STXBP5L: variants seen among roughly 807,000 people sequenced by gnomAD.
The protein encoded by STXBP5L is syntaxin binding protein 5L.
Under a neutral mutation model 144.5 loss-of-function variants are expected in STXBP5L, and 65 were observed. That is an observed-to-expected ratio of 0.45 (90% CI 0.37 to 0.55). The LOEUF (loss-of-function observed/expected upper bound fraction) is 0.55. Ranked by LOEUF, STXBP5L falls within the 20% of genes least tolerant of loss-of-function variation. The probability of loss-of-function intolerance (pLI) is 0.00; values close to 1 mark genes in which losing one functional copy is unlikely to be tolerated. For synonymous variants in STXBP5L, 505 were observed against 469.6 expected, an observed-to-expected ratio of 1.08 and a Z score of -0.97; for missense variants, 1,298 against 1,405.5, an observed-to-expected ratio of 0.92 and a Z score of 1.22.
chr3:120,953,502 CTTTTTTT>C lies in STXBP5L; in HGVS notation c.190-1428_190-1422del, dbSNP rs758605593. On this transcript the variant is annotated intron_variant, in intron 2 of 26. Coordinates refer to ENST00000471454, the MANE Select transcript of STXBP5L (RefSeq NM_001308330.2). Reference sequence around the variant, plus strand: ...CGCCATCATGCCTGGTGAATTTTTCCTTTTTTTTTTTTTTTTGTAGAGATGGGGTCTT... The same window carrying C: ...CGCCATCATGCCTGGTGAATTTTTCCTTTTTTTTTGTAGAGATGGGGTCTT... 3.1e-3 allele frequency among the ~76,000 whole-genome samples: 408 copies of C among 132,114 alleles called. 3 individuals carry two copies. Among genetic ancestry groups the C allele is most frequent in the African/African-American group, 0.01 (365 of 36,118 alleles). 86.7% of individuals were successfully genotyped at this position (132,114 alleles called of 152,430 possible).
At chr3:121,086,302 GA>G (rs2042490345) in intron 5 of STXBP5L, among the ~76,000 whole-genome samples, 1 of 151,808 alleles carries the variant, frequency 6.6e-6, no homozygotes, top group African/African-American at 2.4e-5. Context: ...ATTTTATTGT[GA>G]CTTCTTAGAC....
chr3:121,028,922 A>G (rs1946161290), intron 3 of STXBP5L, among the ~76,000 whole-genome samples: 1 of 152,132 alleles, frequency 6.6e-6, no homozygotes. Flanking sequence ...TTATTCTCCC[A>G]TTCACAATTG....
At chr3:121,001,953 A>G (rs1182050700) in intron 3 of STXBP5L, among the ~76,000 whole-genome samples, 1 of 152,204 alleles carries the variant, frequency 6.6e-6, no homozygotes, top group Admixed American at 6.5e-5. Context: ...TTATCCATTC[A>G]TCCATTGACA....
chr3:120,909,544 C>G (rs1708716762), intron 1 of STXBP5L, 27 bp from the exon 2 acceptor site: 1 of 1,597,652 alleles, frequency 6.3e-7, no homozygotes, highest in African/African-American at 1.4e-5. Context: ...ACCTCTTTCC[C>G]TTTTTTTCCT....
chr3:121,014,641 T>C (rs1445995083), intron 3 of STXBP5L, among the ~76,000 whole-genome samples: 1 of 152,054 alleles, frequency 6.6e-6, no homozygotes, highest in Non-Finnish European at 1.5e-5. Context: ...ATATTTAACT[T>C]CATAGGAAAT....
At chr3:121,060,864 C>T (rs920292298) in intron 5 of STXBP5L, among the ~76,000 whole-genome samples, 1 of 151,918 alleles carries the variant, frequency 6.6e-6, no homozygotes, top group African/African-American at 2.4e-5. Flanking sequence ...CTTTTCTCTT[C>T]TTCTTTATTA....
chr3:121,094,022 G>A (rs559689539), intron 5 of STXBP5L, among the ~76,000 whole-genome samples: 10 of 152,000 alleles, frequency 6.6e-5, no homozygotes, highest in Non-Finnish European at 1.0e-4. Flanking sequence ...CCTTCATTTT[G>A]TTATGTGCCC....
At chr3:121,174,644 T>C (rs543103253) in intron 9 of STXBP5L, among the ~76,000 whole-genome samples, 1 of 152,236 alleles carries the variant, frequency 6.6e-6, no homozygotes, top group Non-Finnish European at 1.5e-5. Flanking sequence ...TAAATGAATT[T>C]CTGAAAGTTG....
At chr3:120,991,832 G>A (rs909863250) in intron 3 of STXBP5L, among the ~76,000 whole-genome samples, 2 of 149,118 alleles carry the variant, frequency 1.3e-5, no homozygotes, top group Admixed American at 6.9e-5. Flanking sequence ...CAGGGGGGAG[G>A]GATAGCATTA....
chr3:120,990,697 T>A (rs944275334), intron 3 of STXBP5L, among the ~76,000 whole-genome samples: 1 of 152,198 alleles, frequency 6.6e-6, no homozygotes, highest in African/African-American at 2.4e-5. Flanking sequence ...CTATCTGATC[T>A]TTGACAAACG....
chr3:121,203,309 C>T (rs2048209648), intron 9 of STXBP5L, among the ~76,000 whole-genome samples: 1 of 152,052 alleles, frequency 6.6e-6, no homozygotes, highest in Admixed American at 6.6e-5. Flanking sequence ...CCCCTATTTC[C>T]CTTCACAAAT....
intron 7 of STXBP5L, among the ~76,000 whole-genome samples, chr3:121,129,685 A>G (rs1160453167): frequency 3.9e-5 from 6 of 152,112 alleles, no homozygotes; most frequent in Admixed American, 6.6e-5. Context: ...GTTATTTTTC[A>G]TGCTCTCAGT....
At chr3:121,414,162 T>C (rs867772414) in intron 24 of STXBP5L, among the ~76,000 whole-genome samples, 2 of 152,164 alleles carry the variant, frequency 1.3e-5, no homozygotes, top group Non-Finnish European at 2.9e-5. Flanking sequence ...ATTGAGTTTT[T>C]TTCTATATGC....
chr3:121,022,132 A>C (rs1052007535), intron 3 of STXBP5L, among the ~76,000 whole-genome samples: 1 of 152,144 alleles, frequency 6.6e-6, no homozygotes, highest in Non-Finnish European at 1.5e-5. Flanking sequence ...CAAAGCTACT[A>C]TGAACACCTT....
chr3:121,202,663 G>T (rs2048181447), intron 9 of STXBP5L, among the ~76,000 whole-genome samples: 2 of 151,920 alleles, frequency 1.3e-5, no homozygotes, highest in Non-Finnish European at 2.9e-5. Context: ...AGACAGTTTT[G>T]CTCAACATAA....
At chr3:121,050,613 C>A (rs1302353304) in intron 5 of STXBP5L, among the ~76,000 whole-genome samples, 1 of 152,102 alleles carries the variant, frequency 6.6e-6, no homozygotes, top group African/African-American at 2.4e-5. Context: ...ACAACCGGTA[C>A]CAGCCACTGC....
intron 9 of STXBP5L, among the ~76,000 whole-genome samples, chr3:121,162,344 G>A (rs950168904): frequency 1.1e-4 from 17 of 152,146 alleles, no homozygotes. Context: ...TTAATAAATG[G>A]TGCTGGGAAA....
intron 3 of STXBP5L, among the ~76,000 whole-genome samples, chr3:120,977,581 G>T (rs2638581): frequency 0.21 from 32,410 of 151,984 alleles, 3,677 homozygotes; most frequent in Non-Finnish European, 0.26. Flanking sequence ...ATTTGATCCT[G>T]TCATTATGAT....
chr3:120,962,909 A>G (rs1939041071), intron 3 of STXBP5L, among the ~76,000 whole-genome samples: 1 of 152,232 alleles, frequency 6.6e-6, no homozygotes, highest in Non-Finnish European at 1.5e-5. Context: ...ATCCATGAGC[A>G]TGGAATATTC....
Sources: gnomAD v4.1 joint callset for allele counts (sites outside exome capture counted in the v4.1 genomes callset) on GRCh38, gnomAD v4.1.1 for gene constraint, MANE v1.5 for transcripts, NCBI Gene and HGNC (gene_info 2026-07-23, HGNC 2026-07-21) for gene names.